DNAH17: variants seen among roughly 807,000 people sequenced by gnomAD.
DNAH17 encodes the protein axonemal beta dynein heavy chain 17.
In DNAH17, 376 loss-of-function variants were observed where a neutral mutation model predicts 485.6. The observed-to-expected ratio is 0.77, with a 90% CI of 0.71 to 0.84. The LOEUF (loss-of-function observed/expected upper bound fraction) is 0.84, where lower values mean the gene tolerates loss of function less well. Ranked by LOEUF, DNAH17 falls within the 40% of genes least tolerant of loss-of-function variation. DNAH17 has a pLI of 0.00. For missense variants in DNAH17, 6,370 were observed against 5,839.3 expected (o/e 1.09, Z -2.96); for synonymous variants, 3,031 against 2,405.9 (o/e 1.26, Z -7.60).
rs185713514 is a variant in DNAH17 at position 78,462,663 on chromosome 17, G to A, written c.9174+181C>T. Among the ~76,000 whole-genome samples, 173 of 152,272 alleles carry A rather than the reference G, an allele frequency of 1.1e-3. 2 individuals are homozygous for A. Among genetic ancestry groups the A allele is most frequent in the Admixed American group, 2.3e-3 (35 of 15,296 alleles). On this transcript the variant is annotated intron_variant, in intron 57 of 80. Coordinates refer to ENST00000389840, the MANE Select transcript of DNAH17 (RefSeq NM_173628.4). ...GCATTTTGAGTCTGTTTTTTGTTAC[G>A]ACAAGTATACTAACTCTGGCCTAGG...
intron 72 of DNAH17, among the ~76,000 whole-genome samples, chr17:78,439,493 TCTC>T (rs1044354005): frequency 9.2e-5 from 14 of 151,950 alleles, no homozygotes; most frequent in Non-Finnish European, 1.8e-4. Context: ...TCGCTCCCAA[TCTC>T]CTCCAGGAGC....
In DNAH17 at chr17:78,486,467, C is replaced by G. The variant is rs553670291; in HGVS notation, c.6858G>C (p.Ser2286=). The change falls in exon 45 of 81, where the codon TCG becomes TCC. Residue 2286 remains serine, a synonymous_variant. Coordinates refer to ENST00000389840, the MANE Select transcript of DNAH17 (RefSeq NM_173628.4). ...AGAGGATCATCAGGTTGGCCTTCTC[C>G]GACTGCACCTTGCGCCTCTCGATCC... ...SSWIERRKVQ[S]EKANLMILFD... 10 of 1,612,824 alleles carry G rather than the reference C, an allele frequency of 6.2e-6. No homozygotes were observed. Among genetic ancestry groups the G allele is most frequent in the Non-Finnish European group, 8.5e-6 (10 of 1,179,578 alleles).
At chr17:78,501,918 T>C (rs1305883821) in intron 33 of DNAH17, 45 bp from the exon 34 acceptor site, 2 of 1,609,512 alleles carry the variant, frequency 1.2e-6, no homozygotes, top group Admixed American at 1.7e-5. Context: ...GGTGCCCACA[T>C]GCACTGGGGG....
chr17:78,427,187 A>G, intron 77 of DNAH17, 79 bp from the exon 78 acceptor site: 1 of 1,442,704 alleles, frequency 6.9e-7, no homozygotes, highest in Non-Finnish European at 9.5e-7. Context: ...AGCCTGCCCA[A>G]AATGTTCCCA....
At chr17:78,512,209 T>C (rs9909967) in intron 26 of DNAH17, among the ~76,000 whole-genome samples, 30,291 of 152,238 alleles carry the variant, frequency 0.2, 3,190 homozygotes, top group East Asian at 0.33. Flanking sequence ...GGGCTAAGCA[T>C]TGCCGCTGTG....
chr17:78,499,150 G>A, intron 36 of DNAH17, 38 bp from the exon 37 acceptor site: 1 of 1,467,620 alleles, frequency 6.8e-7, no homozygotes, highest in Non-Finnish European at 9.1e-7. Flanking sequence ...GAGCTGGGAG[G>A]GTGACAGGGA....
chr17:78,536,811 G>C (rs149171119), intron 19 of DNAH17, among the ~76,000 whole-genome samples: 66 of 152,216 alleles, frequency 4.3e-4, no homozygotes, highest in African/African-American at 1.5e-3. Context: ...AGCTGCTTTG[G>C]GAAGGACGAC....
rs1598735161 is a variant in DNAH17 at position 78,563,341 on chromosome 17, C to A, written c.1570-1361G>T. On this transcript the variant is annotated intron_variant, in intron 11 of 80. Coordinates refer to ENST00000389840, the MANE Select transcript of DNAH17 (RefSeq NM_173628.4). ...CAGCTACCGCCTTCCTCCACGGTCG[C>A]CTGCTGACGTATGAGGTCACCAGTT... Among the ~76,000 whole-genome samples, 4 of 152,146 alleles carry A rather than the reference C, an allele frequency of 2.6e-5. No homozygotes were observed. The East Asian group carries it at 5.8e-4, about 22-fold the overall frequency.
Position 78,423,902 on chromosome 17 carries a change from C to A in DNAH17, c.*4G>T, listed in dbSNP as rs769803281. On this transcript the variant is annotated 3_prime_UTR_variant, in exon 81 of 81. Coordinates refer to ENST00000389840, the MANE Select transcript of DNAH17 (RefSeq NM_173628.4). ...GGGAGTGTGGGCTGTGAGGCAGGAG[C>A]GAGCTAAACCTGTAGGAGCAGCGCC... 1.2e-5 allele frequency: 20 copies of A among 1,613,584 alleles called. No homozygotes were observed. The highest frequency in any genetic ancestry group is 1.5e-5 in the Non-Finnish European group (18 of 1,179,734).
chr17:78,506,125 C>T (rs1411080742), intron 30 of DNAH17, among the ~76,000 whole-genome samples: 1 of 145,086 alleles, frequency 6.9e-6, no homozygotes, highest in Non-Finnish European at 1.5e-5. Flanking sequence ...CAAGCGCTTT[C>T]CCTTCACCTA....
intron 53 of DNAH17, 40 bp from the exon 54 acceptor site, chr17:78,475,509 CT>C: frequency 6.2e-7 from 1 of 1,612,414 alleles, no homozygotes; most frequent in African/African-American, 1.3e-5. Context: ...CTTGTAGCAC[CT>C]GGAATCACCT....
rs762144447 is a variant in DNAH17 at position 78,551,560 on chromosome 17, A to G, written c.2366T>C (p.Ile789Thr). ...CTTCATAGCCTGGGAAATTCCTTCT[A>G]TATTTTGTTTTGCCTTTTGCATCCT... ...QNRMQKAKQN[I>T]EGISQAMKDW... The change falls in exon 16 of 81, where the codon ATA (isoleucine) becomes ACA (threonine). Residue 789 changes from isoleucine to threonine, a missense_variant. Coordinates refer to ENST00000389840, the MANE Select transcript of DNAH17 (RefSeq NM_173628.4). 1.9e-6 allele frequency: 3 copies of G among 1,613,994 alleles called. No homozygotes were observed. The South Asian group carries it at 3.3e-5, about 18-fold the overall frequency.
At chr17:78,561,627 G>T in intron 12 of DNAH17, 88 bp downstream of exon 12, 7 of 1,432,132 alleles carry the variant, frequency 4.9e-6, no homozygotes, top group Non-Finnish European at 6.5e-6. Flanking sequence ...GACAGGAGGG[G>T]TGGTCCCGCT....
At position 78,526,846 on chromosome 17, in the gene DNAH17, C is replaced by T. The variant is rs780680057; in HGVS notation, c.3624+34G>A. ...CCTGGGTGAGCCCCACGCTGCTCCCCGGAAATCCCGCCACCCTGCCCCAGG... is the reference window on the plus strand; with the variant it reads ...CCTGGGTGAGCCCCACGCTGCTCCCTGGAAATCCCGCCACCCTGCCCCAGG... On this transcript the variant is annotated intron_variant, in intron 23 of 80. Transcript: ENST00000389840. 72 of 1,556,982 alleles carry T rather than the reference C, an allele frequency of 4.6e-5. No homozygotes were observed. The Middle Eastern group carries it at 2.8e-3, about 61-fold the overall frequency.
At chr17:78,434,792 G>C in intron 74 of DNAH17, among the ~76,000 whole-genome samples, 1 of 152,176 alleles carries the variant, frequency 6.6e-6, no homozygotes, top group East Asian at 1.9e-4. Flanking sequence ...ATTAACCTTT[G>C]CTACGTAGTG....
intron 10 of DNAH17, 101 bp from the exon 11 acceptor site, chr17:78,566,831 C>A: frequency 1.5e-6 from 2 of 1,307,804 alleles, no homozygotes; most frequent in Non-Finnish European, 1.1e-6. Context: ...GGGACTGAGG[C>A]GCAGCTGAAT....
chr17:78,424,379 C>T lies in DNAH17; in HGVS notation c.13142-226G>A. 4 of 501,154 alleles carry T rather than the reference C, an allele frequency of 8.0e-6. No homozygotes were observed. In the East Asian group the frequency reaches 9.3e-5, roughly 12 times the overall value. The allele number at this position is 501,154 out of a possible 1,614,324, so 31.0% of individuals were successfully genotyped here. On this transcript the variant is annotated intron_variant, in intron 80 of 80. Transcript: ENST00000389840. ...GCTCAAGGAACAGCTCAGCTAAAGC[C>T]CTCGGGTTCCATCCGTTTAAATCTG...
At chr17:78,550,174 C>T (rs2091867268) in intron 16 of DNAH17, among the ~76,000 whole-genome samples, 2 of 152,204 alleles carry the variant, frequency 1.3e-5, no homozygotes, top group Admixed American at 1.3e-4. Flanking sequence ...CGAGACAACG[C>T]CATCAACAGG....
At chr17:78,506,445 C>T (rs559758122) in intron 30 of DNAH17, among the ~76,000 whole-genome samples, 13 of 152,256 alleles carry the variant, frequency 8.5e-5, no homozygotes, top group African/African-American at 2.2e-4. Flanking sequence ...CTCTGGCATA[C>T]GACCCATTTT....
Sources: gnomAD v4.1 joint callset for allele counts (sites outside exome capture counted in the v4.1 genomes callset) on GRCh38, gnomAD v4.1.1 for gene constraint, MANE v1.5 for transcripts, NCBI Gene and HGNC (gene_info 2026-07-23, HGNC 2026-07-21) for gene names.